Variants in TASP1 observed in about 807,000 individuals in gnomAD.
TASP1 encodes threonine aspartase 1.
TASP1 carries 16 observed loss-of-function variants against 56.6 expected under a neutral mutation model. That is an observed-to-expected ratio of 0.28 (90% CI 0.19 to 0.43). TASP1 has a LOEUF of 0.43. Ranked by LOEUF, TASP1 falls within the 20% of genes least tolerant of loss-of-function variation. The pLI, the probability that TASP1 is intolerant of heterozygous loss-of-function variation, is 1.00. For synonymous variants in TASP1, 179 were observed against 184.2 expected, an observed-to-expected ratio of 0.97 and a Z score of 0.23; for missense variants, 393 against 511.6, an observed-to-expected ratio of 0.77 and a Z score of 2.24.
the TASP1 span, among the ~76,000 whole-genome samples, chr20:13,340,947 C>G: frequency 2.0e-5 from 3 of 152,144 alleles, no homozygotes; most frequent in Non-Finnish European, 4.4e-5. Context: ...CAGGAAGTAG[C>G]TGGGGCTTAA....
intron 13 of TASP1, among the ~76,000 whole-genome samples, chr20:13,396,090 C>T (rs1448051038): frequency 6.6e-6 from 1 of 152,124 alleles, no homozygotes; most frequent in Non-Finnish European, 1.5e-5. Flanking sequence ...GGAAGTGTGT[C>T]TGGTTGGTTT....
At chr20:13,520,901 T>C (rs972976797) in intron 10 of TASP1, among the ~76,000 whole-genome samples, 14 of 152,090 alleles carry the variant, frequency 9.2e-5, no homozygotes, top group African/African-American at 3.4e-4. Flanking sequence ...ATCCAGAATC[T>C]ACAATGAACT....
chr20:13,466,141 T>A (rs540376594), intron 11 of TASP1, among the ~76,000 whole-genome samples: 86 of 152,256 alleles, frequency 5.6e-4, no homozygotes, highest in African/African-American at 2.0e-3. Flanking sequence ...GATTTCTCCA[T>A]ATTATTTCTT....
chr20:13,365,996 C>T, the TASP1 span, among the ~76,000 whole-genome samples: 3 of 152,050 alleles, frequency 2.0e-5, no homozygotes, highest in Non-Finnish European at 2.9e-5. Context: ...GAGGAAAAGA[C>T]GGGATTCAAA....
At chr20:13,445,471 C>T (rs1218600313) in intron 11 of TASP1, among the ~76,000 whole-genome samples, 7 of 152,126 alleles carry the variant, frequency 4.6e-5, no homozygotes, top group African/African-American at 1.4e-4. Context: ...ATTCTATCTG[C>T]AAGTGGAGGG....
intron 4 of TASP1, chr20:13,600,534 GAT>G (rs946205144): frequency 6.6e-6 from 1 of 152,066 alleles, no homozygotes; most frequent in African/African-American, 2.4e-5. Context: ...GGAAATAAAA[GAT>G]ATTTACCTCA....
the TASP1 span, among the ~76,000 whole-genome samples, chr20:13,349,532 G>C: frequency 1.3e-5 from 2 of 152,046 alleles, no homozygotes; most frequent in African/African-American, 4.8e-5. Flanking sequence ...TGCAGATAAT[G>C]TAAAAGGATT....
At chr20:13,247,417 T>G in the TASP1 span, among the ~76,000 whole-genome samples, 2 of 152,192 alleles carry the variant, frequency 1.3e-5, no homozygotes, top group East Asian at 3.9e-4. Flanking sequence ...AAGTTATCAG[T>G]GGCTTGCAGC....
the TASP1 span, among the ~76,000 whole-genome samples, chr20:13,381,192 G>A: frequency 6.6e-6 from 1 of 152,196 alleles, no homozygotes; most frequent in Non-Finnish European, 1.5e-5. Context: ...TTGAAACTCA[G>A]GGCCCTGGTG....
At chr20:13,263,886 T>C in the TASP1 span, among the ~76,000 whole-genome samples, 6 of 152,266 alleles carry the variant, frequency 3.9e-5, no homozygotes, top group African/African-American at 1.4e-4. Context: ...CTCTGTTGTT[T>C]GTTGTTCAAA....
chr20:13,607,667 A>C (rs1187856598), intron 4 of TASP1, among the ~76,000 whole-genome samples: 1 of 152,250 alleles, frequency 6.6e-6, no homozygotes, highest in Non-Finnish European at 1.5e-5. Context: ...GCTCAAGTGC[A>C]AATTCAACAA....
intron 12 of TASP1, among the ~76,000 whole-genome samples, chr20:13,429,710 T>A (rs2042740139): frequency 6.6e-6 from 1 of 152,118 alleles, no homozygotes; most frequent in Middle Eastern, 3.2e-3. Flanking sequence ...GAAGTAACAG[T>A]AAGAGATACA....
chr20:13,513,959 T>C (rs1453280089), intron 10 of TASP1, among the ~76,000 whole-genome samples: 1 of 152,144 alleles, frequency 6.6e-6, no homozygotes, highest in Non-Finnish European at 1.5e-5. Context: ...CTTGAGAATA[T>C]TATATTTCCA....
the TASP1 span, among the ~76,000 whole-genome samples, chr20:13,364,452 G>GGCC: frequency 2.0e-5 from 3 of 152,094 alleles, no homozygotes; most frequent in African/African-American, 7.2e-5. Context: ...AGAGATTAAT[G>GGCC]GCCCCATGGC....
At chr20:13,389,039 A>G (rs780213984), downstream of TASP1, among the ~76,000 whole-genome samples, 2 of 152,224 alleles carry the variant, frequency 1.3e-5, no homozygotes, top group African/African-American at 2.4e-5. Flanking sequence ...ATAAAAAAAA[A>G]AGAAAAAATC....
chr20:13,262,968 A>T, the TASP1 span, among the ~76,000 whole-genome samples: 1 of 152,208 alleles, frequency 6.6e-6, no homozygotes, highest in Non-Finnish European at 1.5e-5. Context: ...AGACCGTGAC[A>T]GCAGGCTCCA....
At chr20:13,604,748 A>C (rs543166188) in intron 4 of TASP1, among the ~76,000 whole-genome samples, 21 of 152,300 alleles carry the variant, frequency 1.4e-4, no homozygotes, top group Admixed American at 1.2e-3. Flanking sequence ...CACTAAAATG[A>C]CTAAAATTTA....
intron 1 of TASP1, among the ~76,000 whole-genome samples, chr20:13,636,052 T>G (rs1348852119): frequency 6.6e-6 from 1 of 152,022 alleles, no homozygotes; most frequent in East Asian, 1.9e-4. Context: ...AAGTAAGTCA[T>G]GGAATTCATC....
chr20:13,568,388 T>C (rs957108031), intron 7 of TASP1, among the ~76,000 whole-genome samples: 3 of 152,182 alleles, frequency 2.0e-5, no homozygotes, highest in African/African-American at 7.2e-5. Context: ...TAAATTATAT[T>C]CACAGATTTC....
Sources: gnomAD v4.1 joint callset for allele counts (sites outside exome capture counted in the v4.1 genomes callset) on GRCh38, gnomAD v4.1.1 for gene constraint, MANE v1.5 for transcripts, NCBI Gene and HGNC (gene_info 2026-07-23, HGNC 2026-07-21) for gene names.